The following C1orf87 variants were observed in gnomAD, a reference collection of about 807,000 sequenced individuals.
C1orf87 encodes chromosome 1 open reading frame 87.
Under a neutral mutation model 60.5 loss-of-function variants are expected in C1orf87, and 58 were observed. The observed-to-expected ratio is 0.96, with a 90% CI of 0.78 to 1.19. C1orf87 has a LOEUF of 1.19. Among genes scored for constraint, C1orf87 ranks in the 50% most tolerant of loss-of-function variants. C1orf87 has a pLI of 0.00. For missense variants in C1orf87, 673 were observed against 638.6 expected (o/e 1.05, Z -0.58); for synonymous variants, 236 against 227.4 (o/e 1.04, Z -0.34).
At chr1:60,010,726 A>G in intron 8 of C1orf87, 1 of 272,820 alleles carries the variant, frequency 3.7e-6, no homozygotes. Flanking sequence ...GGGAACAGCA[A>G]GAAAATCTGG....
chr1:60,040,668 G>T (rs902263713), intron 4 of C1orf87, among the ~76,000 whole-genome samples: 1 of 151,972 alleles, frequency 6.6e-6, no homozygotes, highest in Non-Finnish European at 1.5e-5. Flanking sequence ...TTTAAGGTTT[G>T]TCTGTGAACT....
chr1:60,055,907 T>C (rs1252901260), intron 2 of C1orf87, among the ~76,000 whole-genome samples: 3 of 148,504 alleles, frequency 2.0e-5, no homozygotes, highest in East Asian at 1.9e-4. Context: ...AAAAAAAAAC[T>C]GTAGGATGAT....
At chr1:60,006,819 TTG>T in intron 9 of C1orf87, among the ~76,000 whole-genome samples, 1 of 152,234 alleles carries the variant, frequency 6.6e-6, no homozygotes, top group East Asian at 1.9e-4. Flanking sequence ...TCAGTCATAA[TTG>T]CTTCAACTTC....
At chr1:60,043,450 C>T (rs1645341481) in intron 3 of C1orf87, among the ~76,000 whole-genome samples, 2 of 152,100 alleles carry the variant, frequency 1.3e-5, no homozygotes, top group East Asian at 1.9e-4. Flanking sequence ...GGCGCGATCT[C>T]GGCTCACTGC....
chr1:60,068,084 T>C (rs1645560826), intron 2 of C1orf87, among the ~76,000 whole-genome samples: 1 of 152,062 alleles, frequency 6.6e-6, no homozygotes, highest in Non-Finnish European at 1.5e-5. Context: ...GGATATTTCA[T>C]AATGCCCTCT....
intron 4 of C1orf87, among the ~76,000 whole-genome samples, chr1:60,040,755 AT>A (rs34709077): frequency 0.34 from 45,276 of 131,728 alleles, 6,041 homozygotes; most frequent in South Asian, 0.46. Context: ...ACTGTCTTTA[AT>A]TTTTTTTTTT....
At chr1:60,008,586 T>C in intron 9 of C1orf87, 3 of 375,176 alleles carry the variant, frequency 8.0e-6, no homozygotes, top group South Asian at 4.0e-5. Context: ...TTTAGACCTA[T>C]AGAGACACCA....
intron 3 of C1orf87, among the ~76,000 whole-genome samples, chr1:60,054,204 G>A (rs1645436239): frequency 6.6e-6 from 1 of 152,188 alleles, no homozygotes; most frequent in Non-Finnish European, 1.5e-5. Flanking sequence ...AGGCTTGAGT[G>A]ACAGCTCAAT....
intron 3 of C1orf87, among the ~76,000 whole-genome samples, chr1:60,048,792 A>G (rs1645391805): frequency 6.6e-6 from 1 of 152,026 alleles, no homozygotes. Context: ...ATATATATAG[A>G]TAGATACCTG....
At chr1:60,007,785 G>T (rs2100252417) in intron 9 of C1orf87, among the ~76,000 whole-genome samples, 1 of 152,060 alleles carries the variant, frequency 6.6e-6, no homozygotes, top group South Asian at 2.1e-4. Flanking sequence ...TGAAAAACAA[G>T]TTCCCAGGAT....
At chr1:59,991,592 C>A (rs928329634) in intron 11 of C1orf87, among the ~76,000 whole-genome samples, 1 of 151,996 alleles carries the variant, frequency 6.6e-6, no homozygotes, top group Non-Finnish European at 1.5e-5. Flanking sequence ...TCTGTAGTTG[C>A]GGAATACAAA....
At chr1:60,026,651 T>A (rs1645200101) in intron 7 of C1orf87, among the ~76,000 whole-genome samples, 1 of 152,198 alleles carries the variant, frequency 6.6e-6, no homozygotes, top group Non-Finnish European at 1.5e-5. Context: ...GTGGACTATT[T>A]ACACTAAATT....
chr1:60,063,731 C>T (rs935692308), intron 2 of C1orf87, among the ~76,000 whole-genome samples: 1 of 152,124 alleles, frequency 6.6e-6, no homozygotes, highest in Non-Finnish European at 1.5e-5. Flanking sequence ...AGGATGGAGG[C>T]GAGTACCTGT....
intron 4 of C1orf87, among the ~76,000 whole-genome samples, chr1:60,040,783 G>A (rs1436879699): frequency 1.3e-5 from 2 of 148,320 alleles, no homozygotes; most frequent in African/African-American, 5.0e-5. Flanking sequence ...TGTAGAGATG[G>A]GGTCTCACTA....
At chr1:60,013,400 A>G (rs1645103113) in intron 8 of C1orf87, among the ~76,000 whole-genome samples, 2 of 151,962 alleles carry the variant, frequency 1.3e-5, no homozygotes, top group Non-Finnish European at 2.9e-5. Context: ...TTCTGCTATG[A>G]AAGTTTTAGT....
At chr1:60,017,335 TTCA>T (rs1285472347) in intron 8 of C1orf87, among the ~76,000 whole-genome samples, 2 of 152,172 alleles carry the variant, frequency 1.3e-5, no homozygotes, top group African/African-American at 4.8e-5. Context: ...TCAGGTTTCC[TTCA>T]TCTTCTAAAA....
intron 9 of C1orf87, 94 bp from the exon 10 acceptor site, chr1:60,001,250 A>C (rs1168664770): frequency 1.1e-5 from 10 of 878,412 alleles, no homozygotes; most frequent in Non-Finnish European, 1.5e-5. Flanking sequence ...CAGCAACAAC[A>C]AAAAAATGGA....
intron 11 of C1orf87, among the ~76,000 whole-genome samples, chr1:59,992,930 A>G (rs972563553): frequency 1.2e-4 from 18 of 152,158 alleles, no homozygotes; most frequent in African/African-American, 4.3e-4. Flanking sequence ...ATTTATGTAA[A>G]CCTCATTCTT....
chr1:60,073,098 A>G (rs1425382919), intron 1 of C1orf87, among the ~76,000 whole-genome samples: 1 of 152,208 alleles, frequency 6.6e-6, no homozygotes, highest in Non-Finnish European at 1.5e-5. Flanking sequence ...TAGTTTCCCC[A>G]TTTATGAGAT....
Sources: gnomAD v4.1 joint callset for allele counts (sites outside exome capture counted in the v4.1 genomes callset) on GRCh38, gnomAD v4.1.1 for gene constraint, MANE v1.5 for transcripts, NCBI Gene and HGNC (gene_info 2026-07-23, HGNC 2026-07-21) for gene names.